MUSK: variants seen among roughly 807,000 people sequenced by gnomAD.
MUSK encodes muscle, skeletal receptor tyrosine-protein kinase.
In MUSK, 55 loss-of-function variants were observed where a neutral mutation model predicts 88.7. The observed-to-expected ratio is 0.62, with a 90% CI of 0.50 to 0.78. The LOEUF is 0.78. Among genes scored for constraint, MUSK ranks in the 30% least tolerant of loss-of-function variants. MUSK has a pLI of 0.00. For missense variants in MUSK, 1,015 were observed against 1,074.3 expected (o/e 0.94, Z 0.77); for synonymous variants, 387 against 391.9 (o/e 0.99, Z 0.15).
In MUSK at chr9:110,722,510, A is replaced by G. The variant is rs527884530; in HGVS notation, c.629-11741A>G. ...GTGCAACTGCACTCCAGCCTGGGCA[A>G]CAGAGCGAGACACCATCATGGGAAG... On this transcript the variant is annotated intron_variant, in intron 5 of 14. Coordinates refer to ENST00000374448, the MANE Select transcript of MUSK (RefSeq NM_005592.4). Among the ~76,000 whole-genome samples, 8 of 152,182 alleles carry G rather than the reference A, an allele frequency of 5.3e-5. No homozygotes were observed. In the East Asian group the frequency reaches 1.5e-3, roughly 29 times the overall value.
intron 2 of MUSK, 69 bp downstream of exon 2, chr9:110,682,869 A>T (rs1171613385): frequency 2.7e-5 from 31 of 1,138,076 alleles, no homozygotes; most frequent in Non-Finnish European, 2.9e-5. Context: ...ATATGTATAT[A>T]TTTATGAAGT....
In MUSK at chr9:110,767,889, A is replaced by G. The variant is rs1588014706; in HGVS notation, c.990A>G (p.Ala330=). Residue 330 remains alanine, a synonymous_variant, in exon 9 of 15, where the codon GCA becomes GCG. Transcript: ENST00000374448. The part of the protein sequence containing the change: ...YRGEVCNAVL[A]KDALVFLNTS... ...GGGAGGTGTGTAATGCAGTCCTGGC[A>G]AAAGATGCTCTTGTTTTTCTCAACA... 1 of 1,614,050 alleles carries G rather than the reference A, an allele frequency of 6.2e-7. No homozygotes were observed. The highest frequency in any genetic ancestry group is 8.5e-7 in the Non-Finnish European group (1 of 1,179,888).
At chr9:110,799,686 G>C (rs1208777570) in intron 14 of MUSK, among the ~76,000 whole-genome samples, 2 of 152,168 alleles carry the variant, frequency 1.3e-5, no homozygotes, top group Non-Finnish European at 2.9e-5. Context: ...TTTTAAAGAA[G>C]AATAAGGTTC....
chr9:110,681,095 T>TATATATATTATATATA lies in MUSK; in HGVS notation c.80-1574_80-1573insTATTATATATAATATA, dbSNP rs2076121843. Among the ~76,000 whole-genome samples, 44 of 14,230 alleles carry TATATATATTATATATA rather than the reference T, an allele frequency of 3.1e-3. 3 individuals carry two copies. The highest frequency in any genetic ancestry group is 0.013 in the African/African-American group (40 of 3,180). The allele number at this position is 14,230 out of a possible 152,430, so 9.3% of individuals were successfully genotyped here. On this transcript the variant is annotated intron_variant, in intron 1 of 14. Transcript: ENST00000374448. Reference sequence around the variant, plus strand: ...ATTATATATATTATATAATATATATTATATAATATATATTATATATAATAT... The same window carrying TATATATATTATATATA: ...ATTATATATATTATATAATATATATTATATATATTATATATAATATAATATATATTATATATAATAT...
chr9:110,770,689 A>G (rs1278677725), intron 9 of MUSK, among the ~76,000 whole-genome samples: 2 of 151,266 alleles, frequency 1.3e-5, no homozygotes, highest in Admixed American at 6.6e-5. Flanking sequence ...ATGGTATGCC[A>G]TTCTTTTTAT....
At chr9:110,766,735 C>G (rs1295492720) in intron 8 of MUSK, among the ~76,000 whole-genome samples, 2 of 152,008 alleles carry the variant, frequency 1.3e-5, no homozygotes, top group Non-Finnish European at 2.9e-5. Context: ...TATATAAAGA[C>G]AATGAAAAAC....
At chr9:110,800,231 G>C in intron 14 of MUSK, 75 bp from the exon 15 acceptor site, 1 of 1,328,956 alleles carries the variant, frequency 7.5e-7, no homozygotes, top group Non-Finnish European at 1.0e-6. Flanking sequence ...TGACATGGTC[G>C]TTTGCTTTTG....
chr9:110,682,267 T>G (rs970107596), intron 1 of MUSK, among the ~76,000 whole-genome samples: 3 of 152,110 alleles, frequency 2.0e-5, no homozygotes, highest in African/African-American at 7.2e-5. Flanking sequence ...AAAAAACAAT[T>G]TTTTAAATTA....
intron 5 of MUSK, among the ~76,000 whole-genome samples, chr9:110,708,091 C>CCTATCTATCTATCTAT (rs34403055): frequency 1.5e-4 from 23 of 148,570 alleles, no homozygotes; most frequent in Admixed American, 2.7e-4. Context: ...ATAAATAATT[C>CCTATCTATCTATCTAT]CTATCTATCT....
chr9:110,778,906 T>G (rs2077709599), intron 11 of MUSK, among the ~76,000 whole-genome samples: 1 of 152,176 alleles, frequency 6.6e-6, no homozygotes, highest in African/African-American at 2.4e-5. Flanking sequence ...GATAAAAATT[T>G]TATTGTTCAC....
In MUSK at chr9:110,739,591, A is replaced by C. The variant is rs115060999; in HGVS notation, c.753+5216A>C. Among the ~76,000 whole-genome samples the C allele has an allele frequency of 3.2e-3, 486 of 152,278 alleles. 5 individuals carry two copies. The highest frequency in any genetic ancestry group is 0.01 in the African/African-American group (433 of 41,564). The stretch of plus-strand genomic sequence containing the variant: ...AGATATATAAAGATATTCTTATTAC[A>C]CAGGATATTCCAAGGGGCAGAGGTC... On this transcript the variant is annotated intron_variant, in intron 6 of 14. Coordinates refer to ENST00000374448, the MANE Select transcript of MUSK (RefSeq NM_005592.4).
Position 110,764,603 on chromosome 9 carries a change from TTAGA to T in MUSK, c.920+2427_920+2430del, listed in dbSNP as rs57464436. Among the ~76,000 whole-genome samples the T allele has an allele frequency of 2.1e-3, 314 of 149,116 alleles. 2 individuals carry two copies. The highest frequency in any genetic ancestry group is 0.011 in the East Asian group (56 of 5,098). Reference sequence around the variant, plus strand: ...AAATTTAGATAGATAGATAGATAGATTAGATAGATAGATAGATAGATAGATAGAT... The same window carrying T: ...AAATTTAGATAGATAGATAGATAGATTAGATAGATAGATAGATAGATAGAT... On this transcript the variant is annotated intron_variant, in intron 8 of 14. Coordinates refer to ENST00000374448, the MANE Select transcript of MUSK (RefSeq NM_005592.4).
At chr9:110,684,827 T>C (rs1272059108) in intron 2 of MUSK, among the ~76,000 whole-genome samples, 1 of 152,172 alleles carries the variant, frequency 6.6e-6, no homozygotes, top group African/African-American at 2.4e-5. Flanking sequence ...TGATTTTGTA[T>C]CCTGCAACTT....
Position 110,668,831 on chromosome 9 carries a change from A to T in MUSK, c.-74A>T. On this transcript the variant is annotated 5_prime_UTR_variant, in exon 1 of 15. It removes the in-frame stop codon of an upstream open reading frame in the 5' UTR. Transcript: ENST00000374448. ...ACCCTTTTGCAACAAAGTATGCTTT[A>T]AAATGTAAACTGTGGAGCCATTTTC... 8.3e-7 allele frequency: 1 copy of T among 1,198,692 alleles called. No individual in the cohort carries two copies. Among genetic ancestry groups the T allele is most frequent in the Non-Finnish European group, 1.2e-6 (1 of 806,134 alleles). 74.3% of individuals were successfully genotyped at this position (1,198,692 alleles called of 1,614,324 possible). A position where few individuals can be genotyped will look rare whatever the true frequency, so the allele number is the denominator to read the frequency against.
At chr9:110,785,164 G>C in intron 12 of MUSK, 148 bp downstream of exon 12, 1 of 736,764 alleles carries the variant, frequency 1.4e-6, no homozygotes, top group East Asian at 2.6e-5. Context: ...CCCCCATCAT[G>C]ATCTTTACAA....
chr9:110,702,386 C>G (rs1030882447), intron 5 of MUSK, among the ~76,000 whole-genome samples: 5 of 152,060 alleles, frequency 3.3e-5, no homozygotes, highest in African/African-American at 1.2e-4. Flanking sequence ...GCATTCAAAA[C>G]CTTGTATAAA....
intron 7 of MUSK, among the ~76,000 whole-genome samples, chr9:110,759,089 G>C (rs1270421400): frequency 6.6e-6 from 1 of 152,048 alleles, no homozygotes; most frequent in Non-Finnish European, 1.5e-5. Context: ...CTATACTACA[G>C]GACTGCAGTA....
Position 110,787,944 on chromosome 9 carries a change from G to A in MUSK, c.1927+106G>A, listed in dbSNP as rs201761572. The A allele has an allele frequency of 2.9e-4, 374 of 1,285,058 alleles. 2 individuals are homozygous for A. In the East Asian group the frequency reaches 7.5e-3, roughly 26 times the overall value. The allele number at this position is 1,285,058 out of a possible 1,614,324, so 79.6% of individuals were successfully genotyped here. A position where few individuals can be genotyped will look rare whatever the true frequency, so the allele number is the denominator to read the frequency against. On this transcript the variant is annotated intron_variant, in intron 14 of 14. Transcript: ENST00000374448. The stretch of plus-strand genomic sequence containing the variant: ...TCCTTTTCTCCTTGATCAGTGAGAC[G>A]TTTCAGTTCCTTTTCAAATTTAGCT...
At chr9:110,696,149 T>C (rs1463074790) in intron 4 of MUSK, among the ~76,000 whole-genome samples, 3 of 151,976 alleles carry the variant, frequency 2.0e-5, no homozygotes, top group Non-Finnish European at 4.4e-5. Context: ...TGGTGGTGTG[T>C]GCCTATAATC....
Sources: gnomAD v4.1 joint callset for allele counts (sites outside exome capture counted in the v4.1 genomes callset) on GRCh38, gnomAD v4.1.1 for gene constraint, MANE v1.5 for transcripts, NCBI Gene and HGNC (gene_info 2026-07-23, HGNC 2026-07-21) for gene names.